The following EYS variants were observed in gnomAD, a reference collection of about 807,000 sequenced individuals.
EYS encodes EGF-like photoreceptor maintenance factor.
In EYS, 250 loss-of-function variants were observed where a neutral mutation model predicts 282.1. That is an observed-to-expected ratio of 0.89 (90% CI 0.80 to 0.98). The LOEUF is 0.98. Ranked by LOEUF, EYS falls within the 50% of genes least tolerant of loss-of-function variation. The pLI, the probability that EYS is intolerant of heterozygous loss-of-function variation, is 0.00. For missense variants in EYS, 4,016 were observed against 3,709.0 expected, an observed-to-expected ratio of 1.08 and a Z score of -2.15; for synonymous variants, 1,355 against 1,282.9, an observed-to-expected ratio of 1.06 and a Z score of -1.20.
At chr6:65,189,099 G>A (rs928130633) in intron 12 of EYS, among the ~76,000 whole-genome samples, 1 of 151,396 alleles carries the variant, frequency 6.6e-6, no homozygotes, top group Non-Finnish European at 1.5e-5. Flanking sequence ...TTGAAAAGTT[G>A]TAAGCAATAT....
At chr6:64,147,279 G>A (rs1774551903) in intron 31 of EYS, among the ~76,000 whole-genome samples, 1 of 152,078 alleles carries the variant, frequency 6.6e-6, no homozygotes, top group African/African-American at 2.4e-5. Context: ...TAATTCACAT[G>A]GACCTATTGA....
At chr6:63,751,554 A>G (rs1769340941) in intron 41 of EYS, among the ~76,000 whole-genome samples, 2 of 152,184 alleles carry the variant, frequency 1.3e-5, no homozygotes. Flanking sequence ...TCCATCCTTA[A>G]CTATTTGAAG....
At chr6:65,176,509 A>G (rs1292972152) in intron 12 of EYS, among the ~76,000 whole-genome samples, 2 of 151,702 alleles carry the variant, frequency 1.3e-5, no homozygotes, top group East Asian at 3.9e-4. Context: ...AAAAAAAACT[A>G]TAACAATAGT....
At chr6:63,981,500 A>G (rs1245587012) in intron 35 of EYS, among the ~76,000 whole-genome samples, 1 of 151,858 alleles carries the variant, frequency 6.6e-6, no homozygotes, top group East Asian at 1.9e-4. Context: ...CAACGGTGTA[A>G]GTAGTAGTTT....
Position 64,596,019 on chromosome 6 carries a change from C to T in EYS, c.3685-2710G>A, listed in dbSNP as rs146454986. Among the ~76,000 whole-genome samples the T allele has an allele frequency of 2.6e-4, 40 of 152,022 alleles. No homozygotes were observed. In the South Asian group the frequency reaches 6.5e-3, roughly 25 times the overall value. On this transcript the variant is annotated intron_variant, in intron 24 of 42. Coordinates refer to ENST00000503581, the MANE Select transcript of EYS (RefSeq NM_001142800.2). ...GATAGTTTACAGTCATAACAGAAGA[C>T]GAAGAGGGAGGAGGCACATCACATG...
intron 5 of EYS, among the ~76,000 whole-genome samples, chr6:65,408,335 C>T (rs780144248): frequency 6.6e-6 from 1 of 151,936 alleles, no homozygotes; most frequent in Non-Finnish European, 1.5e-5. Flanking sequence ...TTTCTCTTCT[C>T]TTTTTTCCTT....
chr6:65,076,258 C>A (rs1774047909), intron 12 of EYS, among the ~76,000 whole-genome samples: 1 of 151,964 alleles, frequency 6.6e-6, no homozygotes, highest in Admixed American at 6.6e-5. Flanking sequence ...GGACTTAAAA[C>A]TAGGAAAAAA....
At chr6:63,753,140 G>GTA (rs33925107) in intron 41 of EYS, among the ~76,000 whole-genome samples, 3,861 of 135,892 alleles carry the variant, frequency 0.028, 73 homozygotes, top group Non-Finnish European at 0.033. Flanking sequence ...GTGTGTGTGT[G>GTA]TATATATATA....
Position 64,945,925 on chromosome 6 carries a change from A to G in EYS, c.2260-11T>C, listed in dbSNP as rs1251889025. Reference sequence around the variant, plus strand: ...CACACACTGGTAGCTCTAAGAGAATATGAAATTATATATTTTTAGGCTATT... The same window carrying G: ...CACACACTGGTAGCTCTAAGAGAATGTGAAATTATATATTTTTAGGCTATT... On this transcript the variant is annotated splice_polypyrimidine_tract_variant and intron_variant, in intron 14 of 42. Coordinates refer to ENST00000503581, the MANE Select transcript of EYS (RefSeq NM_001142800.2). 1.3e-6 allele frequency: 2 copies of G among 1,535,744 alleles called. No homozygotes were observed. Among genetic ancestry groups the G allele is most frequent in the South Asian group, 2.4e-5 (2 of 82,420 alleles).
At chr6:65,006,610 T>A (rs1771672793) in intron 13 of EYS, among the ~76,000 whole-genome samples, 1 of 151,550 alleles carries the variant, frequency 6.6e-6, no homozygotes, top group African/African-American at 2.4e-5. Flanking sequence ...CCACTGATAA[T>A]TCCCTTAACC....
At chr6:64,634,454 C>A (rs1422297835) in intron 22 of EYS, among the ~76,000 whole-genome samples, 2 of 151,716 alleles carry the variant, frequency 1.3e-5, no homozygotes, top group Non-Finnish European at 2.9e-5. Context: ...TCCCTACTAG[C>A]CATGGATAGC....
chr6:65,142,963 C>T (rs938953540), intron 12 of EYS, among the ~76,000 whole-genome samples: 3 of 152,030 alleles, frequency 2.0e-5, no homozygotes, highest in African/African-American at 7.2e-5. Flanking sequence ...AATGTAACTA[C>T]TTTTGAAATA....
chr6:65,163,402 T>C (rs538922675), intron 12 of EYS, among the ~76,000 whole-genome samples: 2 of 151,300 alleles, frequency 1.3e-5, no homozygotes, highest in African/African-American at 4.8e-5. Flanking sequence ...AAACACTGCA[T>C]TAAAATTGTC....
At chr6:65,231,793 A>G (rs1337175585) in intron 12 of EYS, among the ~76,000 whole-genome samples, 3 of 151,920 alleles carry the variant, frequency 2.0e-5, no homozygotes, top group African/African-American at 7.2e-5. Context: ...ACCGAGAAAT[A>G]TGCAACTATG....
chr6:64,590,616 G>T lies in EYS; in HGVS notation c.5251C>A (p.Gln1751Lys). The stretch of plus-strand genomic sequence containing the variant: ...TTTAAAGTAACATCCGGATAAATTT[G>T]TAAGTTTAACTCAAAATCCAGAGAA... ...DSSLDFELNL[Q>K]IYPDVTLKTY... Residue 1751 changes from glutamine (Q) to lysine (K), a missense_variant, in exon 26 of 43, where the codon CAA (glutamine) becomes AAA (lysine). Transcript: ENST00000503581. The T allele has an allele frequency of 6.4e-7, 1 of 1,551,256 alleles. No individual in the cohort carries two copies. The highest frequency in any genetic ancestry group is 8.7e-7 in the Non-Finnish European group (1 of 1,146,728).
At chr6:65,547,750 A>T (rs1265028117) in intron 2 of EYS, among the ~76,000 whole-genome samples, 1 of 152,102 alleles carries the variant, frequency 6.6e-6, no homozygotes, top group Non-Finnish European at 1.5e-5. Flanking sequence ...TATTCTTTTC[A>T]GGTTAAGGGA....
intron 35 of EYS, among the ~76,000 whole-genome samples, chr6:63,964,795 T>C (rs1473851346): frequency 1.3e-5 from 2 of 152,098 alleles, no homozygotes; most frequent in African/African-American, 2.4e-5. Flanking sequence ...AGTTCCTTTA[T>C]TGCTTATGAT....
intron 26 of EYS, among the ~76,000 whole-genome samples, chr6:64,569,667 G>C (rs187728867): frequency 1.3e-5 from 2 of 152,042 alleles, no homozygotes; most frequent in Admixed American, 1.3e-4. Context: ...CGTGAACCCG[G>C]GAGGCGGAGC....
At chr6:64,389,247 A>G (rs1392050772) in intron 28 of EYS, among the ~76,000 whole-genome samples, 2 of 152,222 alleles carry the variant, frequency 1.3e-5, no homozygotes, top group Non-Finnish European at 2.9e-5. Context: ...TGGAAAACAG[A>G]TATATTGCAG....
Sources: gnomAD v4.1 joint callset for allele counts (sites outside exome capture counted in the v4.1 genomes callset) on GRCh38, gnomAD v4.1.1 for gene constraint, MANE v1.5 for transcripts, NCBI Gene and HGNC (gene_info 2026-07-23, HGNC 2026-07-21) for gene names.